Variants in IL1RAPL2 observed in about 807,000 individuals in gnomAD.
The protein encoded by IL1RAPL2 is interleukin 1 receptor accessory protein like 2.
In IL1RAPL2, 3 loss-of-function variants were observed where a neutral mutation model predicts 44.1. The ratio of observed to expected loss-of-function variants is 0.07; its 90% CI spans 0.03 to 0.18. IL1RAPL2 has a LOEUF of 0.18. Among genes scored for constraint, IL1RAPL2 ranks in the 10% least tolerant of loss-of-function variants. The pLI is 1.00. For synonymous variants in IL1RAPL2, 181 were observed against 178.8 expected, an observed-to-expected ratio of 1.01 and a Z score of -0.10; for missense variants, 391 against 496.4, an observed-to-expected ratio of 0.79 and a Z score of 2.02.
At chrX:105,016,024 T>C (rs1267831325) in intron 2 of IL1RAPL2, among the ~76,000 whole-genome samples, 1 of 111,705 alleles carries the variant, frequency 9.0e-6, no homozygotes, top group Non-Finnish European at 1.9e-5. Flanking sequence ...GAAGAGGTCC[T>C]TCACATCCCT....
At chrX:104,667,311 G>T (rs1365577761) in intron 2 of IL1RAPL2, among the ~76,000 whole-genome samples, 2 of 111,800 alleles carry the variant, frequency 1.8e-5, no homozygotes, top group East Asian at 2.8e-4. Context: ...CAAACTAAAT[G>T]CAAGCAAGCA....
chrX:105,620,355 A>C (rs2037410874), intron 6 of IL1RAPL2, among the ~76,000 whole-genome samples: 1 of 111,154 alleles, frequency 9.0e-6, no homozygotes, highest in Non-Finnish European at 1.9e-5. Context: ...ACAGTTAGTA[A>C]ATTATGGAGT....
intron 5 of IL1RAPL2, among the ~76,000 whole-genome samples, chrX:105,301,410 T>C (rs1442251293): frequency 3.6e-5 from 4 of 111,540 alleles, no homozygotes; most frequent in Non-Finnish European, 7.5e-5. Context: ...TTACAAACAA[T>C]CCAGTTATAC....
At chrX:105,648,792 A>G (rs2037624137) in intron 6 of IL1RAPL2, among the ~76,000 whole-genome samples, 1 of 110,636 alleles carries the variant, frequency 9.0e-6, no homozygotes, top group East Asian at 2.8e-4. Flanking sequence ...CACTAATTTC[A>G]CTTACTTGCC....
intron 2 of IL1RAPL2, among the ~76,000 whole-genome samples, chrX:105,000,604 C>G (rs1001613637): frequency 1.8e-5 from 2 of 111,542 alleles, no homozygotes; most frequent in Non-Finnish European, 3.8e-5. Context: ...TCTAAAGAAA[C>G]ACTCATGTGC....
chrX:104,755,177 A>G (rs1216265463), intron 2 of IL1RAPL2, among the ~76,000 whole-genome samples: 3 of 111,368 alleles, frequency 2.7e-5, no homozygotes, highest in Non-Finnish European at 3.8e-5. Context: ...AATAGATGCA[A>G]TATTCTGGGC....
intron 2 of IL1RAPL2, among the ~76,000 whole-genome samples, chrX:105,021,446 CT>C (rs1199841179): frequency 2.7e-5 from 3 of 110,706 alleles, no homozygotes; most frequent in Non-Finnish European, 5.7e-5. Context: ...GGCCGTGGGG[CT>C]TATATACATA....
At chrX:105,558,671 C>T (rs913190951) in intron 6 of IL1RAPL2, among the ~76,000 whole-genome samples, 4 of 112,161 alleles carry the variant, frequency 3.6e-5, no homozygotes, top group Non-Finnish European at 3.8e-5. Flanking sequence ...TTGACTCAAA[C>T]TTTGTGTACT....
In IL1RAPL2 at chrX:104,731,059, T is replaced by C. The variant is rs1443819325; in HGVS notation, c.82+72064T>C. 4.5e-5 allele frequency among the ~76,000 whole-genome samples: 5 copies of C among 111,913 alleles called. No homozygotes were observed. In the East Asian group the frequency reaches 1.4e-3, roughly 32 times the overall value. ...TCTGTTCATATCCTTTGCCCAATTT[T>C]TGATGGGGTTGTTTTTTCTTGTAAA... On this transcript the variant is annotated intron_variant, in intron 2 of 10. Coordinates refer to ENST00000372582, the MANE Select transcript of IL1RAPL2 (RefSeq NM_017416.2).
intron 1 of IL1RAPL2, among the ~76,000 whole-genome samples, chrX:104,633,808 A>AT (rs1183381638): frequency 3.6e-5 from 4 of 110,600 alleles, no homozygotes; most frequent in East Asian, 2.8e-4. Flanking sequence ...GGATTCATTG[A>AT]TTTTTTTGAA....
At chrX:105,195,379 G>GT (rs1374821713) in intron 2 of IL1RAPL2, 96 bp from the exon 3 acceptor site, 1 of 818,019 alleles carries the variant, frequency 1.2e-6, no homozygotes, top group Non-Finnish European at 1.8e-6. Flanking sequence ...AGTAATCTAT[G>GT]TGGAGCACTT....
chrX:104,795,290 A>G (rs1932843720), intron 2 of IL1RAPL2, among the ~76,000 whole-genome samples: 1 of 111,646 alleles, frequency 9.0e-6, no homozygotes, highest in Non-Finnish European at 1.9e-5. Context: ...TGATCTCAGC[A>G]CTAGATTTAG....
chrX:105,078,975 C>A (rs1055718669), intron 2 of IL1RAPL2, among the ~76,000 whole-genome samples: 1 of 112,586 alleles, frequency 8.9e-6, no homozygotes, highest in Non-Finnish European at 1.9e-5. Context: ...ACCCCTTGTG[C>A]TTCCTGGGTG....
chrX:104,979,185 CAT>C (rs2030392064), intron 2 of IL1RAPL2, among the ~76,000 whole-genome samples: 1 of 111,018 alleles, frequency 9.0e-6, no homozygotes, highest in South Asian at 3.8e-4. Flanking sequence ...CAAACACTAA[CAT>C]ATATAATTAA....
chrX:105,456,397 C>T (rs2036055462), intron 5 of IL1RAPL2, among the ~76,000 whole-genome samples: 1 of 111,362 alleles, frequency 9.0e-6, no homozygotes, highest in Non-Finnish European at 1.9e-5. Flanking sequence ...TGTCTAGTGC[C>T]GGTTTTCAAG....
Position 104,917,956 on chromosome X carries a change from T to G in IL1RAPL2, c.82+258961T>G, listed in dbSNP as rs527368929. Among the ~76,000 whole-genome samples, 159 of 111,785 alleles carry G rather than the reference T, an allele frequency of 1.4e-3. 1 individual carries two copies. Among genetic ancestry groups the G allele is most frequent in the African/African-American group, 4.8e-3 (147 of 30,780 alleles). On this transcript the variant is annotated intron_variant, in intron 2 of 10. Coordinates refer to ENST00000372582, the MANE Select transcript of IL1RAPL2 (RefSeq NM_017416.2). ...TGTGCTGATCTGCAGTAGTGGTGAC[T>G]TGTGATTTTACTTTACCAGATATAC...
At chrX:105,214,641 A>G (rs1461450897) in intron 3 of IL1RAPL2, among the ~76,000 whole-genome samples, 1 of 111,951 alleles carries the variant, frequency 8.9e-6, no homozygotes, top group Non-Finnish European at 1.9e-5. Flanking sequence ...AGACATCTAC[A>G]GAACTGTCCA....
At chrX:105,288,530 T>C (rs1432671650) in intron 5 of IL1RAPL2, among the ~76,000 whole-genome samples, 2 of 111,803 alleles carry the variant, frequency 1.8e-5, no homozygotes, top group Admixed American at 9.6e-5. Context: ...CAGTTTTCTT[T>C]AAGGCAGTGC....
At chrX:104,762,561 T>C (rs1483716069) in intron 2 of IL1RAPL2, among the ~76,000 whole-genome samples, 1 of 112,487 alleles carries the variant, frequency 8.9e-6, no homozygotes, top group Non-Finnish European at 1.9e-5. Flanking sequence ...CACTAGGCAG[T>C]ACCCCAGTGG....
Sources: allele counts gnomAD v4.1 joint callset (sites outside exome capture counted in the v4.1 genomes callset), GRCh38; gene constraint gnomAD v4.1.1; transcripts MANE v1.5; gene names NCBI Gene and HGNC (gene_info 2026-07-23, HGNC 2026-07-21).